OOEP: variants seen among roughly 807,000 people sequenced by gnomAD.
OOEP encodes the protein oocyte-expressed protein homolog.
A neutral mutation model predicts 13.7 loss-of-function variants in OOEP; 16 were observed. The observed-to-expected ratio is 1.16, with a 90% confidence interval of 0.79 to 1.77. The LOEUF (loss-of-function observed/expected upper bound fraction) is 1.77. OOEP is among the 40% of genes most tolerant of loss of function. OOEP has a pLI of 0.00. For synonymous variants in OOEP, 89 were observed against 77.1 expected (o/e 1.15, Z -0.81); for missense variants, 195 against 193.1 (o/e 1.01, Z -0.06).
chr6:73,390,581 C>CTT (rs1174507865), intron 2 of OOEP, among the ~76,000 whole-genome samples: 26 of 135,936 alleles, frequency 1.9e-4, no homozygotes, highest in East Asian at 8.4e-4. Context: ...TACCCAAAAA[C>CTT]TTTTTTTTTT....
At chr6:73,388,371 CAA>C (rs1769303086) in intron 2 of OOEP, among the ~76,000 whole-genome samples, 2 of 152,164 alleles carry the variant, frequency 1.3e-5, no homozygotes, top group East Asian at 1.9e-4. Flanking sequence ...AGTAAAATCT[CAA>C]AAGTTTGCCT....
chr6:73,394,196 TA>T, intron 2 of OOEP: 1 of 570,800 alleles, frequency 1.8e-6, no homozygotes, highest in Non-Finnish European at 3.1e-6. Flanking sequence ...TTTTTTTTTT[TA>T]ATTTTGTGGA....
At position 73,368,730 on chromosome 6, in the gene OOEP, C is replaced by T. The variant is rs1311441773; in HGVS notation, c.*54G>A. 11 of 1,239,052 alleles carry T rather than the reference C, an allele frequency of 8.9e-6. No individual in the cohort carries two copies. Among genetic ancestry groups the T allele is most frequent in the African/African-American group, 1.5e-5 (1 of 67,840 alleles). The allele number at this position is 1,239,052 out of a possible 1,614,324, so 76.8% of individuals were successfully genotyped here. On this transcript the variant is annotated 3_prime_UTR_variant, in exon 3 of 3. Transcript: ENST00000370359. The stretch of plus-strand genomic sequence containing the variant: ...GAATGCTATACTTGCTTTTCTTCAA[C>T]TTTAGCAGCAAAAGTTAGAAAGTTA...
chr6:73,388,311 G>GTAT (rs1769301764), intron 2 of OOEP, among the ~76,000 whole-genome samples: 1 of 5,842 alleles, frequency 1.7e-4, no homozygotes, highest in African/African-American at 2.0e-4. Flanking sequence ...CTAACAACAT[G>GTAT]GATGTTTATT....
At chr6:73,388,762 G>A (rs528249486) in intron 2 of OOEP, among the ~76,000 whole-genome samples, 1 of 152,354 alleles carries the variant, frequency 6.6e-6, no homozygotes, top group African/African-American at 2.4e-5. Context: ...CAGGTTGTAA[G>A]TGCCCAGTAT....
chr6:73,394,763 G>A, exon 1 of OOEP: 2 of 1,206,884 alleles, frequency 1.7e-6, no homozygotes, highest in Non-Finnish European at 2.3e-6. Context: ...GCGGGATAGA[G>A]AGCGTGGGCG....
chr6:73,369,060 C>T, intron 2 of OOEP, 146 bp downstream of exon 2: 1 of 898,482 alleles, frequency 1.1e-6, no homozygotes. Flanking sequence ...CCAGGATCCC[C>T]TCCCAACAAA....
chr6:73,386,076 C>T (rs1362956222), intron 2 of OOEP, among the ~76,000 whole-genome samples: 1 of 151,256 alleles, frequency 6.6e-6, no homozygotes, highest in Non-Finnish European at 1.5e-5. Context: ...TAAAGAATAC[C>T]AACAACATGC....
At chr6:73,382,049 T>C (rs535923564) in intron 2 of OOEP, among the ~76,000 whole-genome samples, 15 of 152,144 alleles carry the variant, frequency 9.9e-5, no homozygotes, top group African/African-American at 3.4e-4. Flanking sequence ...TTTTTCTTTT[T>C]GGTTTGTTTT....
exon 1 of OOEP, chr6:73,394,746 G>A: frequency 2.9e-6 from 3 of 1,037,834 alleles, no homozygotes; most frequent in Admixed American, 2.9e-5. Flanking sequence ...AAATCAGTGC[G>A]AAGTGGGCGG....
upstream of OOEP, among the ~76,000 whole-genome samples, chr6:73,374,549 C>T (rs924604605): frequency 1.3e-5 from 2 of 152,138 alleles, no homozygotes; most frequent in Non-Finnish European, 2.9e-5. Context: ...TTCACCTTAC[C>T]TTCTCTGTAT....
intron 2 of OOEP, among the ~76,000 whole-genome samples, chr6:73,380,502 C>A: frequency 6.6e-6 from 1 of 152,010 alleles, no homozygotes; most frequent in East Asian, 1.9e-4. Flanking sequence ...CAGATCCATA[C>A]AATGAAATGT....
exon 1 of OOEP, chr6:73,394,754 C>A: frequency 9.1e-7 from 1 of 1,103,872 alleles, no homozygotes; most frequent in South Asian, 1.6e-5. Flanking sequence ...GCGAAGTGGG[C>A]GGGATAGAGA....
chr6:73,373,478 G>A (rs374150073), upstream of OOEP, among the ~76,000 whole-genome samples: 8 of 152,290 alleles, frequency 5.3e-5, no homozygotes, highest in East Asian at 1.9e-4. Context: ...GGCTGGTCTC[G>A]AACTCCTGGG....
chr6:73,380,230 C>A (rs1448989497), intron 2 of OOEP, among the ~76,000 whole-genome samples: 2 of 148,522 alleles, frequency 1.3e-5, no homozygotes, highest in African/African-American at 4.9e-5. Flanking sequence ...AGTGGTGATA[C>A]AAGTTTTCCA....
chr6:73,381,030 G>A (rs1363743050), intron 2 of OOEP, among the ~76,000 whole-genome samples: 2 of 151,676 alleles, frequency 1.3e-5, no homozygotes, highest in East Asian at 3.9e-4. Context: ...GTGGTGGCGG[G>A]CACCTGTAAT....
intron 2 of OOEP, among the ~76,000 whole-genome samples, chr6:73,385,357 A>ACAT (rs1468543675): frequency 6.6e-6 from 1 of 151,662 alleles, no homozygotes; most frequent in Non-Finnish European, 1.5e-5. Context: ...AACAACAACA[A>ACAT]CAAAAAAGAC....
chr6:73,390,273 C>T (rs1769329168), intron 2 of OOEP, among the ~76,000 whole-genome samples: 1 of 152,164 alleles, frequency 6.6e-6, no homozygotes, highest in African/African-American at 2.4e-5. Context: ...GCTTGACAGA[C>T]ACAAAATTCC....
chr6:73,369,859 C>T lies in OOEP; in HGVS notation c.-67G>A. 3.5e-6 allele frequency: 5 copies of T among 1,443,852 alleles called. No individual in the cohort carries two copies. In the Admixed American group the frequency reaches 7.1e-5, roughly 21 times the overall value. The allele number at this position is 1,443,852 out of a possible 1,614,324, so 89.4% of individuals were successfully genotyped here. On this transcript the variant is annotated 5_prime_UTR_variant, in exon 1 of 3. Transcript: ENST00000370359. ...GCAAGACCTCTTCCAGACCCAGGCG[C>T]GAAGCTCGGGCTCTCTTTTACCATA...
Sources: gnomAD v4.1 joint callset for allele counts (sites outside exome capture counted in the v4.1 genomes callset) on GRCh38, gnomAD v4.1.1 for gene constraint, MANE v1.5 for transcripts, NCBI Gene and HGNC (gene_info 2026-07-23, HGNC 2026-07-21) for gene names.